Variants in USP34 observed in about 807,000 individuals in gnomAD.
USP34 encodes ubiquitin carboxyl-terminal hydrolase 34.
USP34 carries 70 observed loss-of-function variants against 460.3 expected under a neutral mutation model. The observed-to-expected ratio is 0.15, with a 90% CI of 0.13 to 0.19. The LOEUF is 0.19. Ranked by LOEUF, USP34 falls within the 10% of genes least tolerant of loss-of-function variation. USP34 has a pLI of 1.00. For synonymous variants in USP34, 1,647 were observed against 1,405.3 expected, an observed-to-expected ratio of 1.17 and a Z score of -3.85; for missense variants, 3,985 against 4,236.2, an observed-to-expected ratio of 0.94 and a Z score of 1.65.
intron 25 of USP34, among the ~76,000 whole-genome samples, chr2:61,314,267 G>C (rs1345955621): frequency 6.6e-6 from 1 of 151,744 alleles, no homozygotes; most frequent in South Asian, 2.1e-4. Context: ...TTTTAGTAGT[G>C]GTGTTCTGCC....
Position 61,314,911 on chromosome 2 carries a change from C to T in USP34, c.3346G>A (p.Ala1116Thr), listed in dbSNP as rs746651666. Residue 1116 changes from alanine to threonine, a missense_variant, in exon 24 of 80, where the codon GCA becomes ACA. Around this residue, in one of 14 missense-constraint regions of USP34, gnomAD observed 1,114 missense variants for 1,122.5 expected, o/e 0.99. Transcript: ENST00000398571. ...TAGGAGTTAATATACTGGATAGCTG[C>T]TCGACTGACATCACCAGATTGTGCT... is the stretch of plus-strand genomic sequence containing the variant. ...LRAQSGDVSR[A>T]AIQYINSYYI... 6.2e-7 allele frequency: 1 copy of T among 1,613,836 alleles called. No homozygotes were observed. Among genetic ancestry groups the T allele is most frequent in the Non-Finnish European group, 8.5e-7 (1 of 1,179,882 alleles).
intron 57 of USP34, among the ~76,000 whole-genome samples, chr2:61,234,479 G>A (rs571949808): frequency 1.6e-3 from 237 of 152,292 alleles, no homozygotes; most frequent in Non-Finnish European, 2.8e-3. Context: ...ACTGAGACAG[G>A]TGGATAGGTG....
chr2:61,238,759 G>A (rs770620945), intron 53 of USP34, among the ~76,000 whole-genome samples: 1 of 152,092 alleles, frequency 6.6e-6, no homozygotes, highest in Non-Finnish European at 1.5e-5. Flanking sequence ...TCTGCAATGA[G>A]GAATTTTCTA....
intron 8 of USP34, among the ~76,000 whole-genome samples, chr2:61,374,855 C>T (rs2103848448): frequency 6.6e-6 from 1 of 152,312 alleles, no homozygotes; most frequent in Admixed American, 6.5e-5. Flanking sequence ...AGGCATGAGC[C>T]ACTGCACTCA....
intron 27 of USP34, among the ~76,000 whole-genome samples, chr2:61,309,583 G>C (rs989321927): frequency 6.6e-6 from 1 of 152,080 alleles, no homozygotes; most frequent in African/African-American, 2.4e-5. Flanking sequence ...ATTCTTATTT[G>C]TACTTGGATT....
At chr2:61,470,554 T>C (rs1307730582) in intron 1 of USP34, 96 bp downstream of exon 1, 6 of 821,232 alleles carry the variant, frequency 7.3e-6, no homozygotes, top group African/African-American at 3.6e-5. Flanking sequence ...GGCCCGGCCG[T>C]CGCCTCCCGC....
intron 1 of USP34, among the ~76,000 whole-genome samples, chr2:61,447,875 C>A (rs936703437): frequency 6.6e-6 from 1 of 152,118 alleles, no homozygotes; most frequent in East Asian, 1.9e-4. Context: ...GCCACCACAC[C>A]AAACTAATTT....
At chr2:61,209,799 C>T (rs1376275677) in intron 69 of USP34, among the ~76,000 whole-genome samples, 2 of 152,192 alleles carry the variant, frequency 1.3e-5, no homozygotes, top group Non-Finnish European at 2.9e-5. Context: ...GAGATGACAG[C>T]TCTAAGCTAG....
chr2:61,372,634 C>T (rs371880355), intron 8 of USP34, among the ~76,000 whole-genome samples: 1 of 152,104 alleles, frequency 6.6e-6, no homozygotes, highest in Non-Finnish European at 1.5e-5. Flanking sequence ...TCATTTGAGT[C>T]CAGGTCAGAG....
chr2:61,324,072 A>T (rs1691011180), intron 21 of USP34, among the ~76,000 whole-genome samples: 1 of 152,244 alleles, frequency 6.6e-6, no homozygotes, highest in Non-Finnish European at 1.5e-5. Flanking sequence ...TCAGGCTGAC[A>T]ATATATTAAC....
chr2:61,366,369 G>C (rs1266547498), intron 10 of USP34, among the ~76,000 whole-genome samples: 1 of 152,198 alleles, frequency 6.6e-6, no homozygotes, highest in Admixed American at 6.5e-5. Context: ...TTGATGGACA[G>C]AAGGAAGACA....
At chr2:61,363,360 A>G (rs889476027) in intron 10 of USP34, among the ~76,000 whole-genome samples, 1 of 152,216 alleles carries the variant, frequency 6.6e-6, no homozygotes, top group Admixed American at 6.5e-5. Flanking sequence ...ACTCCTAGGT[A>G]CACGATCTTG....
chr2:61,437,063 G>T (rs1009402439), intron 1 of USP34, among the ~76,000 whole-genome samples: 4 of 152,116 alleles, frequency 2.6e-5, no homozygotes, highest in Non-Finnish European at 4.4e-5. Context: ...TAAGAGGGAA[G>T]TTTATAGTAA....
chr2:61,377,896 T>C (rs1285135120), intron 8 of USP34, among the ~76,000 whole-genome samples: 1 of 152,224 alleles, frequency 6.6e-6, no homozygotes, highest in African/African-American at 2.4e-5. Context: ...GAGAGAAATG[T>C]GGCCAGACAC....
Position 61,470,776 on chromosome 2 carries a change from G to A in USP34, c.-84C>T, listed in dbSNP as rs1375672783. On this transcript the variant is annotated 5_prime_UTR_variant, in exon 1 of 80. Coordinates refer to ENST00000398571, the MANE Select transcript of USP34 (RefSeq NM_014709.4). ...GCGGGGGGGAGGGGAGAGAGGCGGAGGAGGGGGCCGGCCGGCCGGCGGGGC... is the reference window on the plus strand; with the variant it reads ...GCGGGGGGGAGGGGAGAGAGGCGGAAGAGGGGGCCGGCCGGCCGGCGGGGC... 8 of 1,260,982 alleles carry A rather than the reference G, an allele frequency of 6.3e-6. No individual in the cohort carries two copies. The highest frequency in any genetic ancestry group is 8.9e-6 in the Non-Finnish European group (8 of 896,544). The allele number at this position is 1,260,982 out of a possible 1,614,324, so 78.1% of individuals were successfully genotyped here.
chr2:61,316,079 G>A (rs1017450142), intron 23 of USP34, among the ~76,000 whole-genome samples: 9 of 151,332 alleles, frequency 5.9e-5, no homozygotes, highest in African/African-American at 2.2e-4. Flanking sequence ...GCAGGCATGC[G>A]CCTATAATCC....
intron 10 of USP34, among the ~76,000 whole-genome samples, chr2:61,355,610 AAACAAC>A (rs140976123): frequency 0.019 from 2,831 of 151,894 alleles, 41 homozygotes; most frequent in Non-Finnish European, 0.029. Context: ...TTCACTACAA[AAACAAC>A]AACAACAACA....
At chr2:61,445,941 C>A (rs1695102310) in intron 1 of USP34, among the ~76,000 whole-genome samples, 1 of 149,704 alleles carries the variant, frequency 6.7e-6, no homozygotes, top group Non-Finnish European at 1.5e-5. Flanking sequence ...CAGTGAGACT[C>A]TGTTTCAAAA....
chr2:61,188,158 A>G lies in USP34; in HGVS notation c.10585T>C (p.Ser3529Pro). The change falls in exon 80 of 80, where the codon TCT becomes CCT. Residue 3529 changes from serine (S) to proline (P), a missense_variant. By Grantham distance (74) the Ser-to-Pro change is moderately conservative. Around this residue, in one of 14 missense-constraint regions of USP34, gnomAD observed 506 missense variants for 439.0 expected, o/e 1.15. Transcript: ENST00000398571. ...ATCCTTGTGACGACATGGATTGTAG[A>G]TTCAATGGTCCTACACAGGGTATCT... ...ILDTLCRTIESTIHVVTRISG... is the reference protein window; with the variant it reads ...ILDTLCRTIEPTIHVVTRISG... 2 of 1,614,114 alleles carry G rather than the reference A, an allele frequency of 1.2e-6. No homozygotes were observed. Among genetic ancestry groups the G allele is most frequent in the Non-Finnish European group, 1.7e-6 (2 of 1,180,018 alleles).
Sources: gnomAD v4.1 joint callset for allele counts (sites outside exome capture counted in the v4.1 genomes callset) on GRCh38, gnomAD v4.1.1 for gene constraint, gnomAD v4.1.1 regional missense constraint, MANE v1.5 for transcripts, NCBI Gene and HGNC (gene_info 2026-07-23, HGNC 2026-07-21) for gene names.